SNED1: variants seen among roughly 807,000 people sequenced by gnomAD.
SNED1 encodes sushi, nidogen and EGF-like domain-containing protein 1.
A neutral mutation model predicts 166.7 loss-of-function variants in SNED1; 81 were observed. That is an observed-to-expected ratio of 0.49 (90% CI 0.41 to 0.58). The LOEUF is 0.58. Ranked by LOEUF, SNED1 falls within the 20% of genes least tolerant of loss-of-function variation. SNED1 has a pLI of 0.00. For missense variants in SNED1, 1,604 were observed against 2,000.2 expected, an observed-to-expected ratio of 0.80 and a Z score of 3.78; for synonymous variants, 762 against 822.0, an observed-to-expected ratio of 0.93 and a Z score of 1.25.
chr2:241,061,615 G>A (rs1031613416), intron 16 of SNED1, among the ~76,000 whole-genome samples: 12 of 152,134 alleles, frequency 7.9e-5, no homozygotes, highest in African/African-American at 1.9e-4. Context: ...TAGGCTGGGC[G>A]TAGACTCATG....
intron 1 of SNED1, among the ~76,000 whole-genome samples, chr2:241,027,993 A>G (rs766755892): frequency 1.3e-5 from 2 of 152,148 alleles, no homozygotes; most frequent in Non-Finnish European, 1.5e-5. Context: ...TCGGCCTCCC[A>G]GAGTGATGGG....
At chr2:241,047,455 C>G (rs2061683664) in intron 8 of SNED1, among the ~76,000 whole-genome samples, 1 of 152,190 alleles carries the variant, frequency 6.6e-6, no homozygotes, top group African/African-American at 2.4e-5. Context: ...CACAGGAAAT[C>G]AGTAAAGCTA....
chr2:241,006,435 G>T (rs1413738131), intron 1 of SNED1, among the ~76,000 whole-genome samples: 1 of 152,232 alleles, frequency 6.6e-6, no homozygotes, highest in Non-Finnish European at 1.5e-5. Flanking sequence ...GAAACTCCAA[G>T]TGTAGCATTG....
intron 1 of SNED1, chr2:241,015,639 G>A (rs568705806): frequency 3.6e-5 from 6 of 164,772 alleles, no homozygotes; most frequent in Non-Finnish European, 5.2e-5. Flanking sequence ...GTCTCATAGC[G>A]GTGGTGTTGG....
chr2:241,041,146 C>T (rs989912319), intron 8 of SNED1: 28 of 291,576 alleles, frequency 9.6e-5, no homozygotes, highest in African/African-American at 5.1e-4. Flanking sequence ...CAGTCTTTGC[C>T]GAGTGCATGG....
Position 241,051,709 on chromosome 2 carries a change from G to T in SNED1, c.1736-35G>T. On this transcript the variant is annotated intron_variant, in intron 12 of 31. Transcript: ENST00000310397. This position sits in a 1 kb window ranked among gnomAD's most constrained non-coding sequence, Gnocchi z 4.7. ...GTGGCTCTGTGGGGCCAGCAGCCTG[G>T]CCCCGTTCATCTGCCTCTCTGTCCT... 1 of 1,429,356 alleles carries T rather than the reference G, an allele frequency of 7.0e-7. No homozygotes were observed. 88.5% of individuals were successfully genotyped at this position (1,429,356 alleles called of 1,614,324 possible).
At chr2:241,032,375 TCATACTCGGAGCCA>T (rs2061206365) in intron 2 of SNED1, among the ~76,000 whole-genome samples, 1 of 150,884 alleles carries the variant, frequency 6.6e-6, no homozygotes, top group Non-Finnish European at 1.5e-5. Flanking sequence ...ATCTACACGT[TCATACTCGGAGCCA>T]CATTTAGAAG....
rs1450654740 is a variant in SNED1, at chr2:241,081,680, T to A, written c.3920T>A (p.Val1307Asp). The A allele has an allele frequency of 1.3e-6, 2 of 1,599,154 alleles. No homozygotes were observed. Among genetic ancestry groups the A allele is most frequent in the Non-Finnish European group, 1.7e-6 (2 of 1,172,714 alleles). ...CTCTCGTGACCTCTGTTTCCAGACG[T>A]CCCTGGCAACTGTTCAGAAAACCCC... Reference protein sequence around the residue: ...PEHGSKDIGNVPGNCSENPCQ... With the variant: ...PEHGSKDIGNDPGNCSENPCQ... Residue 1307 changes from valine to aspartate, a missense_variant, in exon 28 of 32, where the codon GTC (valine) becomes GAC (aspartate). Val to Asp is a radical substitution (Grantham distance 152, BLOSUM62 -3). Coordinates refer to ENST00000310397, the MANE Select transcript of SNED1 (RefSeq NM_001080437.3).
At position 241,075,956 on chromosome 2, in the gene SNED1, TGTCA is replaced by T. The variant is rs1413572420; in HGVS notation, c.3916+2595_3916+2598del. Among the ~76,000 whole-genome samples, 6 of 152,342 alleles carry T rather than the reference TGTCA, an allele frequency of 3.9e-5. No homozygotes were observed. Among genetic ancestry groups the T allele is most frequent in the East Asian group, 1.9e-4 (1 of 5,192 alleles). On this transcript the variant is annotated intron_variant, in intron 27 of 31. Transcript: ENST00000310397. The surrounding 1 kb of genome is among the most constrained non-coding windows in gnomAD (Gnocchi z 4.8). ...GCTAAAAAGTCCCTTTTTCCCCCAC[TGTCA>T]GTATCAAAATTCCACATATAAAAGT...
chr2:241,065,884 G>A (rs983167824), intron 21 of SNED1, among the ~76,000 whole-genome samples: 5 of 152,076 alleles, frequency 3.3e-5, no homozygotes, highest in Admixed American at 3.3e-4. Flanking sequence ...GGACTGGGGA[G>A]GAATGGGGGC....
intron 8 of SNED1, among the ~76,000 whole-genome samples, chr2:241,046,101 A>G (rs1416563696): frequency 6.6e-6 from 1 of 152,254 alleles, no homozygotes; most frequent in Admixed American, 6.5e-5. Flanking sequence ...AATGCAAATA[A>G]AAGCCACTAC....
intron 2 of SNED1, among the ~76,000 whole-genome samples, chr2:241,031,411 C>T (rs1276105993): frequency 6.6e-6 from 1 of 152,160 alleles, no homozygotes; most frequent in Non-Finnish European, 1.5e-5. Flanking sequence ...GTGATCCGCC[C>T]ACCTCGGCCT....
intron 27 of SNED1, among the ~76,000 whole-genome samples, chr2:241,078,346 G>A (rs1156534662): frequency 6.8e-6 from 1 of 146,362 alleles, no homozygotes; most frequent in African/African-American, 2.6e-5. Flanking sequence ...TCGCGCCACT[G>A]CACTGCAGCC....
At chr2:241,050,019 C>A (rs777578619) in intron 12 of SNED1, 86 bp downstream of exon 12, 2 of 991,370 alleles carry the variant, frequency 2.0e-6, no homozygotes, top group South Asian at 2.6e-5. Flanking sequence ...CTGTCTCTCT[C>A]CTTGTTTCGC....
chr2:241,065,217 G>A lies in SNED1; in HGVS notation c.2714-82G>A, dbSNP rs6710220. Reference sequence around the variant, plus strand: ...TGTGTCAGGCCCAAGAGCCAGACCCGGCTGAGCCGCCGACGGGAGCCAGGC... The same window carrying A: ...TGTGTCAGGCCCAAGAGCCAGACCCAGCTGAGCCGCCGACGGGAGCCAGGC... On this transcript the variant is annotated intron_variant, in intron 20 of 31. Coordinates refer to ENST00000310397, the MANE Select transcript of SNED1 (RefSeq NM_001080437.3). 5.0e-3 allele frequency: 7,360 copies of A among 1,465,794 alleles called. 318 individuals are homozygous for A. The African/African-American group carries it at 0.091, about 18-fold the overall frequency. 90.8% of individuals were successfully genotyped at this position (1,465,794 alleles called of 1,614,324 possible).
chr2:241,048,744 C>T lies in SNED1; in HGVS notation c.1482C>T (p.Phe494=). 1 of 1,611,838 alleles carries T rather than the reference C, an allele frequency of 6.2e-7. No homozygotes were observed. Among genetic ancestry groups the T allele is most frequent in the Non-Finnish European group, 8.5e-7 (1 of 1,179,126 alleles). The change falls in exon 10 of 32, where the codon TTC becomes TTT. Residue 494 remains phenylalanine (F), a synonymous_variant. Coordinates refer to ENST00000310397, the MANE Select transcript of SNED1 (RefSeq NM_001080437.3). ...NTTLCQCPLG[F]FGLLCEFEIT... ...CCCTCTGCCAGTGCCCCCTGGGATT[C>T]TTTGGGCTTCTCTGTGAATTTGGTA...
intron 29 of SNED1, 172 bp from the exon 30 acceptor site, chr2:241,087,220 C>T (rs1186673004): frequency 3.3e-6 from 2 of 601,284 alleles, no homozygotes; most frequent in Non-Finnish European, 5.9e-6. Flanking sequence ...AATCACATGA[C>T]CTTTATGTTA....
chr2:241,072,094 C>T (rs952884453), intron 26 of SNED1: 25 of 700,174 alleles, frequency 3.6e-5, no homozygotes, highest in African/African-American at 1.6e-4. Flanking sequence ...GAGGGCCTCA[C>T]GTCAGTGTGT....
chr2:241,011,860 C>T lies in SNED1; in HGVS notation c.213+12810C>T, dbSNP rs565901773. ...TCCCGCGGGCCTCTGCCCTGCACTG[C>T]GGTGCTGGCGCTGCCCTGTCCTGGC... On this transcript the variant is annotated intron_variant, in intron 1 of 31. Transcript: ENST00000310397. Among the ~76,000 whole-genome samples the T allele has an allele frequency of 4.6e-5, 7 of 152,334 alleles. No homozygotes were observed. In the South Asian group the frequency reaches 8.3e-4, roughly 18 times the overall value.
Sources: gnomAD v4.1 joint callset for allele counts (sites outside exome capture counted in the v4.1 genomes callset) on GRCh38, gnomAD v4.1.1 for gene constraint, Gnocchi (gnomAD v3.1) non-coding constraint, MANE v1.5 for transcripts, NCBI Gene and HGNC (gene_info 2026-07-23, HGNC 2026-07-21) for gene names.